Variants in PALS2 observed in about 807,000 individuals in gnomAD.
PALS2 encodes the protein protein associated with LIN7 2, MAGUK p55 family member, also known as protein PALS2.
PALS2 carries 27 observed loss-of-function variants against 61.6 expected under a neutral mutation model. The ratio of observed to expected loss-of-function variants is 0.44; its 90% confidence interval spans 0.32 to 0.60. The LOEUF (loss-of-function observed/expected upper bound fraction) is 0.60. Among genes scored for constraint, PALS2 ranks in the 20% least tolerant of loss-of-function variants. The pLI is 0.05. For synonymous variants in PALS2, 236 were observed against 218.6 expected (o/e 1.08, Z -0.70); for missense variants, 554 against 639.4 (o/e 0.87, Z 1.44).
At chr7:24,575,584 C>T (rs1782613906) in intron 1 of PALS2, among the ~76,000 whole-genome samples, 1 of 152,122 alleles carries the variant, frequency 6.6e-6, no homozygotes, top group Admixed American at 6.6e-5. Flanking sequence ...ATTGAAGTTG[C>T]TTGTTTGAAT....
intron 2 of PALS2, among the ~76,000 whole-genome samples, chr7:24,638,266 T>G (rs944160828): frequency 1.3e-5 from 2 of 151,080 alleles, no homozygotes; most frequent in Admixed American, 1.3e-4. Context: ...TGTTAATATA[T>G]TTATAGCTAC....
At chr7:24,654,649 G>T (rs1786324150) in intron 5 of PALS2, among the ~76,000 whole-genome samples, 1 of 152,156 alleles carries the variant, frequency 6.6e-6, no homozygotes, top group Non-Finnish European at 1.5e-5. Flanking sequence ...AGACAATATT[G>T]TGAAGATGTT....
intron 2 of PALS2, among the ~76,000 whole-genome samples, chr7:24,625,865 G>GT (rs1450394626): frequency 1.3e-5 from 2 of 151,978 alleles, no homozygotes; most frequent in Admixed American, 1.3e-4. Flanking sequence ...TATAATATAG[G>GT]TTAAAAAAAA....
chr7:24,676,860 C>T (rs1339942077), intron 9 of PALS2, among the ~76,000 whole-genome samples: 1 of 151,038 alleles, frequency 6.6e-6, no homozygotes, highest in East Asian at 1.9e-4. Context: ...GTGATGCAGG[C>T]TCTCTTTTGG....
At chr7:24,579,792 T>TA (rs1473775875) in intron 1 of PALS2, among the ~76,000 whole-genome samples, 1 of 152,236 alleles carries the variant, frequency 6.6e-6, no homozygotes, top group Non-Finnish European at 1.5e-5. Context: ...TTTCATTTGA[T>TA]AAATCTACTT....
intron 9 of PALS2, among the ~76,000 whole-genome samples, chr7:24,678,403 G>A (rs890450782): frequency 2.6e-5 from 4 of 152,108 alleles, no homozygotes; most frequent in Admixed American, 6.6e-5. Context: ...ATAATGAGGC[G>A]TCTAGCTCTA....
intron 1 of PALS2, among the ~76,000 whole-genome samples, chr7:24,584,576 G>A (rs934606803): frequency 3.3e-5 from 5 of 151,178 alleles, no homozygotes; most frequent in Admixed American, 2.6e-4. Flanking sequence ...TTTGTCAGAT[G>A]AGTAGGTTGG....
chr7:24,679,527 A>G (rs989244385), intron 10 of PALS2, among the ~76,000 whole-genome samples, 194 bp downstream of exon 10: 1 of 152,228 alleles, frequency 6.6e-6, no homozygotes, highest in African/African-American at 2.4e-5. Context: ...CAATTAGCCA[A>G]CAGAGGCTTG....
At chr7:24,684,711 G>C (rs994031936) in intron 11 of PALS2, among the ~76,000 whole-genome samples, 1 of 152,086 alleles carries the variant, frequency 6.6e-6, no homozygotes, top group Non-Finnish European at 1.5e-5. Context: ...CAATTTGATA[G>C]CTTCAAATGA....
At chr7:24,608,597 CATTTTA>C (rs372670403) in intron 1 of PALS2, among the ~76,000 whole-genome samples, 4 of 152,014 alleles carry the variant, frequency 2.6e-5, no homozygotes, top group Non-Finnish European at 5.9e-5. Flanking sequence ...TCTGCTGTTA[CATTTTA>C]ATTTTAATTT....
In PALS2 at chr7:24,623,613, GTTTT is replaced by G. The variant is rs570572346; in HGVS notation, c.-2-51_-2-48del. 83 of 1,133,174 alleles carry G rather than the reference GTTTT, an allele frequency of 7.3e-5. No homozygotes were observed. In the African/African-American group the frequency reaches 1.1e-3, roughly 15 times the overall value. 70.2% of individuals were successfully genotyped at this position (1,133,174 alleles called of 1,614,324 possible). On this transcript the variant is annotated intron_variant, in intron 1 of 11. Transcript: ENST00000222644. ...CTCCATAACGGCTTGAAATTTAAGGGTTTTTGTTTGTTTGTTTGTTTGTTTGTTT... is the reference window on the plus strand; with the variant it reads ...CTCCATAACGGCTTGAAATTTAAGGGTGTTTGTTTGTTTGTTTGTTTGTTT...
chr7:24,607,696 T>C (rs1783969149), intron 1 of PALS2, among the ~76,000 whole-genome samples: 1 of 151,780 alleles, frequency 6.6e-6, no homozygotes, highest in Non-Finnish European at 1.5e-5. Context: ...TGTATGTGTA[T>C]TTGTTTTTGG....
intron 10 of PALS2, among the ~76,000 whole-genome samples, chr7:24,679,660 A>G (rs1353974208): frequency 2.6e-5 from 4 of 152,170 alleles, no homozygotes; most frequent in South Asian, 2.1e-4. Flanking sequence ...CAAGTCTGCA[A>G]TATAAAGAAT....
At chr7:24,668,243 A>G (rs1787130165) in intron 8 of PALS2, among the ~76,000 whole-genome samples, 1 of 152,092 alleles carries the variant, frequency 6.6e-6, no homozygotes, top group Non-Finnish European at 1.5e-5. Flanking sequence ...CCAGGAGTTC[A>G]AGGGTACAGT....
chr7:24,667,909 G>A (rs930882511), intron 8 of PALS2, among the ~76,000 whole-genome samples: 3 of 151,728 alleles, frequency 2.0e-5, no homozygotes, highest in Non-Finnish European at 2.9e-5. Context: ...CTCGTGATTC[G>A]CCCACCTCGG....
intron 5 of PALS2, among the ~76,000 whole-genome samples, chr7:24,662,494 C>G (rs923971841): frequency 6.6e-6 from 1 of 152,052 alleles, no homozygotes; most frequent in Non-Finnish European, 1.5e-5. Flanking sequence ...TTGGGCTGGG[C>G]GCAGTGGCTT....
At chr7:24,602,069 G>A (rs943392001) in intron 1 of PALS2, among the ~76,000 whole-genome samples, 1 of 151,734 alleles carries the variant, frequency 6.6e-6, no homozygotes, top group Non-Finnish European at 1.5e-5. Context: ...CTCTAATCAG[G>A]TTCTCTAATT....
intron 1 of PALS2, among the ~76,000 whole-genome samples, chr7:24,615,949 C>G (rs1271055914): frequency 1.3e-5 from 2 of 151,906 alleles, no homozygotes; most frequent in East Asian, 3.9e-4. Context: ...AAATAAAAAC[C>G]ACATAATCAT....
intron 5 of PALS2, among the ~76,000 whole-genome samples, chr7:24,662,768 GAA>G (rs59367702): frequency 4.9e-5 from 5 of 102,638 alleles, no homozygotes; most frequent in East Asian, 2.2e-4. Context: ...GACTCCATCT[GAA>G]AAAAAAAAAA....
Sources: gnomAD v4.1 joint callset for allele counts (sites outside exome capture counted in the v4.1 genomes callset) on GRCh38, gnomAD v4.1.1 for gene constraint, MANE v1.5 for transcripts, NCBI Gene and HGNC (gene_info 2026-07-23, HGNC 2026-07-21) for gene names.